ROR2: variants seen among roughly 807,000 people sequenced by gnomAD.
ROR2 encodes ROR family WNT receptor 2.
In ROR2, 33 loss-of-function variants were observed where a neutral mutation model predicts 74.9. The observed-to-expected ratio is 0.44, with a 90% CI of 0.33 to 0.59. The LOEUF (loss-of-function observed/expected upper bound fraction) is 0.59, where lower values mean the gene tolerates loss of function less well. Ranked by LOEUF, ROR2 falls within the 20% of genes least tolerant of loss-of-function variation. The pLI is 0.02. For missense variants in ROR2, 1,216 were observed against 1,313.8 expected, an observed-to-expected ratio of 0.93 and a Z score of 1.15; for synonymous variants, 586 against 558.7, an observed-to-expected ratio of 1.05 and a Z score of -0.69.
intron 1 of ROR2, among the ~76,000 whole-genome samples, chr9:91,903,378 C>T (rs959408106): frequency 7.9e-5 from 12 of 152,042 alleles, no homozygotes; most frequent in African/African-American, 2.4e-4. Flanking sequence ...TTCTTCCCAT[C>T]GGGCATCAAC....
chr9:91,856,774 C>T (rs1829303260), intron 1 of ROR2, among the ~76,000 whole-genome samples: 1 of 152,244 alleles, frequency 6.6e-6, no homozygotes, highest in Non-Finnish European at 1.5e-5. Context: ...GAGGCTCTAC[C>T]TCCTAAACAG....
chr9:91,943,778 T>C (rs976960520), intron 1 of ROR2, among the ~76,000 whole-genome samples: 1 of 152,236 alleles, frequency 6.6e-6, no homozygotes, highest in African/African-American at 2.4e-5. Context: ...TTCTTTGTAT[T>C]CAATTCTAGT....
intron 1 of ROR2, among the ~76,000 whole-genome samples, chr9:91,937,029 CAAAAAAAA>C (rs540672189): frequency 1.5e-5 from 1 of 65,662 alleles, no homozygotes; most frequent in East Asian, 4.9e-4. Flanking sequence ...GACTCCGTCT[CAAAAAAAA>C]AAAAAAAAAA....
rs542076807 is a variant in ROR2, at chr9:91,819,270, C to T, written c.98-43452G>A. 1.6e-4 allele frequency among the ~76,000 whole-genome samples: 25 copies of T among 152,346 alleles called. 1 individual carries two copies. The South Asian group carries it at 5.0e-3, about 30-fold the overall frequency. On this transcript the variant is annotated intron_variant, in intron 1 of 8. Coordinates refer to ENST00000375708, the MANE Select transcript of ROR2 (RefSeq NM_004560.4). Reference sequence around the variant, plus strand: ...ACCTTGTCACTGAGCTGCTGACCCCCACCCCCAGGCTCCTAGCAGAGCTGT... The same window carrying T: ...ACCTTGTCACTGAGCTGCTGACCCCTACCCCCAGGCTCCTAGCAGAGCTGT...
chr9:91,884,631 C>T (rs768522144), intron 1 of ROR2, among the ~76,000 whole-genome samples: 9 of 152,036 alleles, frequency 5.9e-5, no homozygotes, highest in African/African-American at 2.2e-4. Flanking sequence ...CCTGATCTGA[C>T]GATATCTGAC....
intron 1 of ROR2, among the ~76,000 whole-genome samples, chr9:91,912,719 T>C (rs1564033953): frequency 1.4e-5 from 2 of 145,916 alleles, no homozygotes. Context: ...AACTATTCCT[T>C]AAATAATTTT....
At chr9:91,899,753 T>C (rs1473031845) in intron 1 of ROR2, among the ~76,000 whole-genome samples, 7 of 151,880 alleles carry the variant, frequency 4.6e-5, no homozygotes, top group African/African-American at 1.7e-4. Flanking sequence ...ACATATACAC[T>C]CACACACAAA....
chr9:91,792,081 G>T (rs781435054), intron 1 of ROR2, among the ~76,000 whole-genome samples: 5 of 152,090 alleles, frequency 3.3e-5, no homozygotes, highest in African/African-American at 4.8e-5. Flanking sequence ...AAATTTAAGG[G>T]GCACAGCTAA....
chr9:91,724,102 G>A lies in ROR2; in HGVS notation c.2392C>T (p.Gln798Ter). Residue 798 changes from glutamine to a stop codon, truncating the protein, a stop_gained, in exon 9 of 9, where the codon CAG (glutamine) becomes TAG (stop). Coordinates refer to ENST00000375708, the MANE Select transcript of ROR2 (RefSeq NM_004560.4). LOFTEE classifies it low-confidence loss of function (END_TRUNC). Reference protein sequence around the residue: ...GPKQKAPPFPQPQFIPMKGQI... With the variant: ...GPKQKAPPFP ...CCCTTCATGGGGATGAACTGGGGCT[G>A]TGGGAAGGGCGGGGCCTTCTGCTTG... 6.2e-7 allele frequency: 1 copy of A among 1,611,198 alleles called. No homozygotes were observed. Among genetic ancestry groups the A allele is most frequent in the East Asian group, 2.2e-5 (1 of 44,858 alleles).
intron 1 of ROR2, among the ~76,000 whole-genome samples, chr9:91,828,009 G>A (rs151259456): frequency 6.6e-6 from 1 of 152,286 alleles, no homozygotes; most frequent in African/African-American, 2.4e-5. Flanking sequence ...TTTGGCATTT[G>A]CCATTTCTTT....
rs748109164 is a variant in ROR2, at chr9:91,722,907, G to A, written c.*755C>T. ...GATTCTTAACAAAAATAACAATACC[G>A]TGTTCTGTACAATACTGCTTCCTCT... On this transcript the variant is annotated 3_prime_UTR_variant, in exon 9 of 9. Coordinates refer to ENST00000375708, the MANE Select transcript of ROR2 (RefSeq NM_004560.4). 1.5e-4 allele frequency: 59 copies of A among 395,588 alleles called. 1 individual carries two copies. Among genetic ancestry groups the A allele is most frequent in the South Asian group, 1.1e-3 (35 of 31,400 alleles). The allele number at this position is 395,588 out of a possible 1,614,324, so 24.5% of individuals were successfully genotyped here.
chr9:91,836,735 T>C (rs922722074), intron 1 of ROR2, among the ~76,000 whole-genome samples: 8 of 151,952 alleles, frequency 5.3e-5, no homozygotes, highest in Non-Finnish European at 8.8e-5. Context: ...GGATCCTGCA[T>C]TGGGGCGAGT....
rs150767685 is a variant in ROR2 at position 91,819,469 on chromosome 9, T to C, written c.98-43651A>G. ...GTGTGTGTCTGTGTATGTGTCTGTG[T>C]GTCTCTTTGTGTATCTTTGTGTCTC... On this transcript the variant is annotated intron_variant, in intron 1 of 8. Coordinates refer to ENST00000375708, the MANE Select transcript of ROR2 (RefSeq NM_004560.4). 2.2e-3 allele frequency among the ~76,000 whole-genome samples: 328 copies of C among 152,198 alleles called. 8 individuals carry two copies. In the East Asian group the frequency reaches 0.055, roughly 26 times the overall value.
chr9:91,847,050 G>A (rs1828954888), intron 1 of ROR2, among the ~76,000 whole-genome samples: 2 of 152,142 alleles, frequency 1.3e-5, no homozygotes, highest in African/African-American at 2.4e-5. Context: ...AAGGCTCACA[G>A]ACACAAATGG....
chr9:91,889,851 C>T (rs1173198430), intron 1 of ROR2, among the ~76,000 whole-genome samples: 1 of 152,204 alleles, frequency 6.6e-6, no homozygotes, highest in Non-Finnish European at 1.5e-5. Flanking sequence ...GGCTGACCCA[C>T]ACGGAAGACA....
intron 1 of ROR2, among the ~76,000 whole-genome samples, chr9:91,858,828 A>C (rs1384532191): frequency 6.6e-6 from 1 of 152,026 alleles, no homozygotes; most frequent in Admixed American, 6.6e-5. Flanking sequence ...AGTGCCAGCA[A>C]CTCCAGCTTA....
At chr9:91,848,459 T>C (rs1247782281) in intron 1 of ROR2, among the ~76,000 whole-genome samples, 1 of 152,126 alleles carries the variant, frequency 6.6e-6, no homozygotes, top group Non-Finnish European at 1.5e-5. Context: ...AACGCTTAAT[T>C]TTTTAAAAAT....
intron 1 of ROR2, among the ~76,000 whole-genome samples, chr9:91,816,420 G>A (rs1187204614): frequency 2.0e-5 from 3 of 152,174 alleles, no homozygotes; most frequent in Non-Finnish European, 4.4e-5. Context: ...CCTCCCACAA[G>A]AGTAGCCCCC....
chr9:91,939,144 G>A (rs2118032741), intron 1 of ROR2, among the ~76,000 whole-genome samples: 1 of 152,262 alleles, frequency 6.6e-6, no homozygotes, highest in Non-Finnish European at 1.5e-5. Context: ...CAGCTACTCA[G>A]GAGGCTGAGG....
Sources: allele counts gnomAD v4.1 joint callset (sites outside exome capture counted in the v4.1 genomes callset), GRCh38; gene constraint gnomAD v4.1.1; transcripts MANE v1.5; gene names NCBI Gene and HGNC (gene_info 2026-07-23, HGNC 2026-07-21).